The following DIP2C variants were observed in gnomAD, a reference collection of about 807,000 sequenced individuals.
DIP2C encodes the protein DIP2 acetate--CoA ligase C (putative), also known as disco-interacting protein 2 homolog C.
In DIP2C, 33 loss-of-function variants were observed where a neutral mutation model predicts 192.4. That is an observed-to-expected ratio of 0.17 (90% CI 0.13 to 0.23). The LOEUF is 0.23. Ranked by LOEUF, DIP2C falls within the 10% of genes least tolerant of loss-of-function variation. The pLI is 1.00. For missense variants in DIP2C, 1,537 were observed against 2,110.1 expected, an observed-to-expected ratio of 0.73 and a Z score of 5.32; for synonymous variants, 979 against 864.1, an observed-to-expected ratio of 1.13 and a Z score of -2.33.
At chr10:443,050 G>T (rs900485675) in intron 3 of DIP2C, among the ~76,000 whole-genome samples, 5 of 152,298 alleles carry the variant, frequency 3.3e-5, no homozygotes, top group Middle Eastern at 6.8e-3. Context: ...TTTTAGCAGG[G>T]ATACCGCAGA....
At chr10:333,012 C>T (rs571517452) in intron 29 of DIP2C, among the ~76,000 whole-genome samples, 2 of 152,372 alleles carry the variant, frequency 1.3e-5, no homozygotes, top group South Asian at 4.1e-4. Context: ...AAGTGATTCT[C>T]CTGCCTCATG....
In DIP2C at chr10:390,049, C is replaced by T. The variant is rs1321999783; in HGVS notation, c.1539G>A (p.Thr513=). ...KDGSVLGVTV[T]RTALLTHCQA... ...GGCAGTGTGTCAGCAGCGCAGTCCT[C>T]GTCACCGTCACACCCAGCACACTGC... is the stretch of plus-strand genomic sequence containing the variant. The change falls in exon 13 of 37, where the codon ACG becomes ACA. Residue 513 remains threonine (T), a synonymous_variant. Transcript: ENST00000280886. 12 of 1,614,150 alleles carry T rather than the reference C, an allele frequency of 7.4e-6. No homozygotes were observed. Among genetic ancestry groups the T allele is most frequent in the East Asian group, 4.5e-5 (2 of 44,880 alleles).
chr10:685,161 AAT>A (rs1222919501), intron 1 of DIP2C, among the ~76,000 whole-genome samples: 27 of 31,806 alleles, frequency 8.5e-4, no homozygotes, highest in African/African-American at 2.4e-3. Context: ...AAAAAAAAAA[AAT>A]ATATATATAT....
intron 1 of DIP2C, among the ~76,000 whole-genome samples, chr10:618,230 G>A (rs746948901): frequency 5.9e-5 from 9 of 152,172 alleles, no homozygotes; most frequent in Non-Finnish European, 1.2e-4. Flanking sequence ...ATGGTCAAAT[G>A]GTTCATTAAT....
At chr10:505,917 A>T (rs1845568463) in intron 1 of DIP2C, among the ~76,000 whole-genome samples, 1 of 152,140 alleles carries the variant, frequency 6.6e-6, no homozygotes, top group Non-Finnish European at 1.5e-5. Context: ...CTGCTGTAAA[A>T]ACTCCCTTTC....
chr10:590,253 A>AAATGAGTACATGGTGCAAGGC (rs1184452177), intron 1 of DIP2C, among the ~76,000 whole-genome samples: 1 of 152,264 alleles, frequency 6.6e-6, no homozygotes, highest in East Asian at 1.9e-4. Context: ...GGGGACAAGA[A>AAATGAGTACATGGTGCAAGGC]AATGAGTACA....
At chr10:366,523 G>A (rs1960233322) in intron 18 of DIP2C, 112 bp from the exon 19 acceptor site, 1 of 1,441,584 alleles carries the variant, frequency 6.9e-7, no homozygotes, top group Non-Finnish European at 9.5e-7. Flanking sequence ...ATGGGGTCTG[G>A]AGCAAAACTG....
intron 29 of DIP2C, 53 bp from the exon 30 acceptor site, chr10:329,654 A>C (rs2132459398): frequency 4.4e-6 from 3 of 675,638 alleles, no homozygotes; most frequent in Admixed American, 6.3e-5. Context: ...GCTGGAGCTC[A>C]GCAAGGCTGG....
At chr10:436,460 G>A (rs1052394617) in intron 4 of DIP2C, among the ~76,000 whole-genome samples, 3 of 152,118 alleles carry the variant, frequency 2.0e-5, no homozygotes, top group Non-Finnish European at 4.4e-5. Context: ...CCTGGACTTG[G>A]CAGGGTGGCA....
intron 1 of DIP2C, among the ~76,000 whole-genome samples, chr10:530,825 G>GC (rs1401552049): frequency 6.6e-6 from 1 of 152,084 alleles, no homozygotes; most frequent in Non-Finnish European, 1.5e-5. Flanking sequence ...AGGAAGGTTG[G>GC]CCCCAAAGCC....
At chr10:428,996 G>A (rs1027908094) in intron 4 of DIP2C, among the ~76,000 whole-genome samples, 2 of 151,780 alleles carry the variant, frequency 1.3e-5, no homozygotes, top group African/African-American at 2.4e-5. Context: ...CATCAACATT[G>A]CCTACCAGAG....
intron 1 of DIP2C, among the ~76,000 whole-genome samples, chr10:673,046 G>A (rs562969896): frequency 6.6e-6 from 1 of 152,188 alleles, no homozygotes; most frequent in South Asian, 2.1e-4. Flanking sequence ...CCTGTACCTG[G>A]TTAGAACCAA....
At chr10:325,593 A>C (rs1957238563) in intron 31 of DIP2C, among the ~76,000 whole-genome samples, 1 of 152,232 alleles carries the variant, frequency 6.6e-6, no homozygotes, top group African/African-American at 2.4e-5. Flanking sequence ...TGCTGAACTT[A>C]AGAAGCAGAC....
At chr10:414,908 T>TA (rs1564680658) in intron 7 of DIP2C, among the ~76,000 whole-genome samples, 149 of 65,148 alleles carry the variant, frequency 2.3e-3, no homozygotes, top group East Asian at 7.4e-3. Context: ...ATATATATAT[T>TA]TTTTTTTTTT....
intron 1 of DIP2C, among the ~76,000 whole-genome samples, chr10:558,522 G>A (rs985412585): frequency 9.9e-5 from 15 of 152,128 alleles, no homozygotes; most frequent in African/African-American, 3.6e-4. Context: ...GGCGCCCAGC[G>A]CAGGGGGACA....
At chr10:650,994 C>T in intron 1 of DIP2C, 1 of 717,452 alleles carries the variant, frequency 1.4e-6, no homozygotes, top group Non-Finnish European at 2.6e-6. Context: ...TCCATCTCTC[C>T]CGGTGCCAGG....
intron 2 of DIP2C, among the ~76,000 whole-genome samples, chr10:481,176 CGAG>C (rs778017422): frequency 6.6e-6 from 1 of 152,326 alleles, no homozygotes; most frequent in East Asian, 1.9e-4. Context: ...TCTGCTGACA[CGAG>C]GAATCAGAAC....
At chr10:348,795 AG>A in intron 25 of DIP2C, 33 bp from the exon 26 acceptor site, 5 of 1,610,818 alleles carry the variant, frequency 3.1e-6, no homozygotes, top group Non-Finnish European at 4.2e-6. Context: ...TCATTGAAGC[AG>A]ACCACGCTGC....
At chr10:638,298 G>A (rs1854946583) in intron 1 of DIP2C, among the ~76,000 whole-genome samples, 1 of 152,236 alleles carries the variant, frequency 6.6e-6, no homozygotes, top group Non-Finnish European at 1.5e-5. Flanking sequence ...CTCAGTATGT[G>A]TTTGATGAAT....
Sources: gnomAD v4.1 joint callset for allele counts (sites outside exome capture counted in the v4.1 genomes callset) on GRCh38, gnomAD v4.1.1 for gene constraint, MANE v1.5 for transcripts, NCBI Gene and HGNC (gene_info 2026-07-23, HGNC 2026-07-21) for gene names.